Variants in EPB41L3 observed in about 807,000 individuals in gnomAD.
EPB41L3 encodes the protein erythrocyte membrane protein band 4.1 like 3.
EPB41L3 carries 57 observed loss-of-function variants against 127.1 expected under a neutral mutation model. That is an observed-to-expected ratio of 0.45 (90% CI 0.36 to 0.56). EPB41L3 has a LOEUF of 0.56. EPB41L3 is among the 20% of genes least tolerant of loss of function. The pLI, the probability that EPB41L3 is intolerant of heterozygous loss-of-function variation, is 0.00. For missense variants in EPB41L3, 1,273 were observed against 1,372.2 expected (o/e 0.93, Z 1.14); for synonymous variants, 572 against 549.5 (o/e 1.04, Z -0.57).
chr18:5,544,645 A>G (rs1043156272), upstream of EPB41L3, among the ~76,000 whole-genome samples: 10 of 152,216 alleles, frequency 6.6e-5, no homozygotes, highest in East Asian at 1.9e-4. Flanking sequence ...TCATCTCACA[A>G]TATCTTAAGA....
rs73937144 is a variant in EPB41L3, at chr18:5,500,152, A to T, written c.-11-10958T>A. Reference sequence around the variant, plus strand: ...TGATAAGAAGTCAGTACCTTTCAAGATATAAATGTCCAACCCTGTTTAAAA... The same window carrying T: ...TGATAAGAAGTCAGTACCTTTCAAGTTATAAATGTCCAACCCTGTTTAAAA... On this transcript the variant is annotated intron_variant, in intron 1 of 22. Transcript: ENST00000341928. 5.3e-3 allele frequency among the ~76,000 whole-genome samples: 810 copies of T among 152,288 alleles called. 5 individuals carry two copies. The highest frequency in any genetic ancestry group is 0.018 in the African/African-American group (756 of 41,550).
chr18:5,504,793 G>A (rs558144197), intron 1 of EPB41L3, among the ~76,000 whole-genome samples: 2 of 152,026 alleles, frequency 1.3e-5, no homozygotes, highest in Non-Finnish European at 2.9e-5. Context: ...GGTGTCCTCC[G>A]CTACTCCTGA....
intron 6 of EPB41L3, among the ~76,000 whole-genome samples, chr18:5,437,646 G>GT (rs1555682839): frequency 2.0e-5 from 3 of 152,178 alleles, no homozygotes; most frequent in Admixed American, 2.0e-4. Context: ...ATGTGTGTGT[G>GT]TATGTGTTGG....
chr18:5,596,787 A>C (rs2094540968), intron 3 of EPB41L3, among the ~76,000 whole-genome samples: 1 of 152,238 alleles, frequency 6.6e-6, no homozygotes, highest in South Asian at 2.1e-4. Context: ...CTGACAATGC[A>C]ATAAGAAGAT....
At chr18:5,430,019 A>C (rs2078767362) in intron 8 of EPB41L3, among the ~76,000 whole-genome samples, 2 of 152,226 alleles carry the variant, frequency 1.3e-5, no homozygotes, top group Non-Finnish European at 2.9e-5. Flanking sequence ...ACAGGACTTT[A>C]GGAAGTGTAC....
chr18:5,552,741 GA>G (rs1220540653), intron 3 of EPB41L3, among the ~76,000 whole-genome samples: 10 of 138,030 alleles, frequency 7.2e-5, no homozygotes, highest in Admixed American at 4.8e-4. Context: ...ACCATCACCA[GA>G]ACCCTCCAAG....
chr18:5,447,405 A>G (rs2146423238), intron 3 of EPB41L3, among the ~76,000 whole-genome samples: 1 of 148,796 alleles, frequency 6.7e-6, no homozygotes, highest in African/African-American at 2.5e-5. Context: ...CACTCTTTAG[A>G]TATTAGATGC....
intron 1 of EPB41L3, among the ~76,000 whole-genome samples, chr18:5,536,930 A>G (rs2093592044): frequency 6.6e-6 from 1 of 152,212 alleles, no homozygotes; most frequent in Non-Finnish European, 1.5e-5. Context: ...TCTACATATG[A>G]GTCTGTATAT....
At chr18:5,532,707 A>T (rs1036023674) in intron 1 of EPB41L3, among the ~76,000 whole-genome samples, 1 of 152,172 alleles carries the variant, frequency 6.6e-6, no homozygotes, top group African/African-American at 2.4e-5. Flanking sequence ...AGAAGAGATC[A>T]TTCAGAAGCT....
intron 1 of EPB41L3, among the ~76,000 whole-genome samples, chr18:5,506,326 A>G (rs1038028875): frequency 2.0e-5 from 3 of 152,114 alleles, no homozygotes; most frequent in African/African-American, 7.2e-5. Context: ...GGCCTGAAAG[A>G]GCGCTACTCC....
chr18:5,476,436 C>T (rs1289395635), intron 3 of EPB41L3, among the ~76,000 whole-genome samples: 1 of 152,102 alleles, frequency 6.6e-6, no homozygotes, highest in East Asian at 1.9e-4. Context: ...CAGTGATTAT[C>T]AGTAATGAAT....
At chr18:5,399,119 C>T (rs1413837604) in intron 16 of EPB41L3, 2 of 399,070 alleles carry the variant, frequency 5.0e-6, no homozygotes, top group Non-Finnish European at 8.8e-6. Flanking sequence ...CTTTAGCTTT[C>T]CCAGTCATAG....
chr18:5,470,364 A>G (rs189659732), intron 3 of EPB41L3, among the ~76,000 whole-genome samples: 6 of 152,356 alleles, frequency 3.9e-5, no homozygotes, highest in African/African-American at 1.4e-4. Context: ...ACTTTACATT[A>G]AAGTCCCTGC....
At chr18:5,578,255 C>T (rs1378727584) in intron 3 of EPB41L3, among the ~76,000 whole-genome samples, 1 of 152,068 alleles carries the variant, frequency 6.6e-6, no homozygotes, top group African/African-American at 2.4e-5. Flanking sequence ...TATCCACATC[C>T]CCATTTTTAC....
At chr18:5,560,951 ATTTAT>A (rs1439674911) in intron 3 of EPB41L3, among the ~76,000 whole-genome samples, 1 of 27,540 alleles carries the variant, frequency 3.6e-5, no homozygotes, top group African/African-American at 8.5e-5. Context: ...TTATTTATTT[ATTTAT>A]TTATTTATTT....
chr18:5,583,188 G>C (rs2094411060), intron 3 of EPB41L3, among the ~76,000 whole-genome samples: 1 of 152,198 alleles, frequency 6.6e-6, no homozygotes. Flanking sequence ...ATAGAACACA[G>C]TAACTGTCCC....
At chr18:5,470,905 A>G (rs987949309) in intron 3 of EPB41L3, among the ~76,000 whole-genome samples, 4 of 152,188 alleles carry the variant, frequency 2.6e-5, no homozygotes, top group African/African-American at 9.7e-5. Flanking sequence ...AGTTGGCTGA[A>G]GTCTACCATG....
rs190526717 is a variant in EPB41L3 at position 5,477,033 on chromosome 18, T to C, written c.381+1208A>G. 2.4e-4 allele frequency among the ~76,000 whole-genome samples: 37 copies of C among 152,360 alleles called. No homozygotes were observed. In the East Asian group the frequency reaches 6.9e-3, roughly 29 times the overall value. On this transcript the variant is annotated intron_variant, in intron 3 of 22. Coordinates refer to ENST00000341928, the MANE Select transcript of EPB41L3 (RefSeq NM_012307.5). ...ATTTTCAAAAACCATATAGACTTTT[T>C]TCTATGTTCCTGCAATCTGTAACAA...
intron 3 of EPB41L3, among the ~76,000 whole-genome samples, chr18:5,572,998 G>C (rs2094299539): frequency 6.6e-6 from 1 of 152,194 alleles, no homozygotes; most frequent in African/African-American, 2.4e-5. Flanking sequence ...ATAAGGGGGA[G>C]CCAGGAGGGT....
Sources: gnomAD v4.1 joint callset for allele counts (sites outside exome capture counted in the v4.1 genomes callset) on GRCh38, gnomAD v4.1.1 for gene constraint, MANE v1.5 for transcripts, NCBI Gene and HGNC (gene_info 2026-07-23, HGNC 2026-07-21) for gene names.